CMIP: variants seen among roughly 807,000 people sequenced by gnomAD.
CMIP encodes the protein C-Maf-inducing protein.
CMIP carries 13 observed loss-of-function variants against 97.3 expected under a neutral mutation model. The observed-to-expected ratio is 0.13, with a 90% confidence interval of 0.09 to 0.21. The LOEUF (loss-of-function observed/expected upper bound fraction) is 0.21. Ranked by LOEUF, CMIP falls within the 10% of genes least tolerant of loss-of-function variation. The pLI, the probability that CMIP is intolerant of heterozygous loss-of-function variation, is 1.00. For synonymous variants in CMIP, 538 were observed against 436.3 expected, an observed-to-expected ratio of 1.23 and a Z score of -2.91; for missense variants, 847 against 1,024.9, an observed-to-expected ratio of 0.83 and a Z score of 2.37.
At chr16:81,476,005 T>C (rs1043881059) in intron 1 of CMIP, 4 of 548,812 alleles carry the variant, frequency 7.3e-6, no homozygotes, top group African/African-American at 5.9e-5. Flanking sequence ...AAAAAAAAGA[T>C]AAAACATAAG....
intron 1 of CMIP, among the ~76,000 whole-genome samples, chr16:81,584,747 T>C (rs1343277209): frequency 6.6e-6 from 1 of 152,200 alleles, no homozygotes; most frequent in Non-Finnish European, 1.5e-5. Context: ...GACTTTCTGT[T>C]CTTGAATTGG....
At position 81,701,598 on chromosome 16, in the gene CMIP, C is replaced by CA; in HGVS notation, c.1756-61dup. ...TTCAAAACAAGGCCCTTGGGGTGCACAGAGTGTGCTGAGCTAGGGTGGCAG... is the reference window on the plus strand; with the variant it reads ...TTCAAAACAAGGCCCTTGGGGTGCACAAGAGTGTGCTGAGCTAGGGTGGCAG... On this transcript the variant is annotated intron_variant, in intron 15 of 20. Transcript: ENST00000537098. The CA allele has an allele frequency of 1.9e-6, 3 of 1,610,852 alleles. No homozygotes were observed. The Admixed American group carries it at 5.0e-5, about 27-fold the overall frequency.
chr16:81,502,640 A>C (rs1306180546), intron 1 of CMIP, among the ~76,000 whole-genome samples: 2 of 152,240 alleles, frequency 1.3e-5, no homozygotes, highest in African/African-American at 4.8e-5. Context: ...TGGGAAATGA[A>C]GTCACATCCA....
chr16:81,639,396 ACT>A (rs2092276651), intron 3 of CMIP, among the ~76,000 whole-genome samples: 1 of 151,804 alleles, frequency 6.6e-6, no homozygotes, highest in African/African-American at 2.4e-5. Flanking sequence ...CCAAATGGAA[ACT>A]CTGTCCCCAT....
chr16:81,690,429 C>G (rs1905924460), intron 10 of CMIP, among the ~76,000 whole-genome samples: 1 of 152,190 alleles, frequency 6.6e-6, no homozygotes, highest in African/African-American at 2.4e-5. Context: ...AGAAGAAAAG[C>G]TGTTGTCTGA....
At chr16:81,669,524 C>A (rs1170958080) in intron 7 of CMIP, among the ~76,000 whole-genome samples, 1 of 146,820 alleles carries the variant, frequency 6.8e-6, no homozygotes, top group East Asian at 2.1e-4. Context: ...TCCACACCCA[C>A]CTCTCACACT....
At position 81,671,940 on chromosome 16, in the gene CMIP, C is replaced by T. The variant is rs990092239; in HGVS notation, c.930-26C>T. On this transcript the variant is annotated intron_variant, in intron 8 of 20. Transcript: ENST00000537098. ...ATGGGCCCCACTCCTGCAGGCTTCT[C>T]ACCCCAGCCCTCTGCTTTTTTCCAG... 7 of 1,368,582 alleles carry T rather than the reference C, an allele frequency of 5.1e-6. No individual in the cohort carries two copies. In the African/African-American group the frequency reaches 7.1e-5, roughly 14 times the overall value. The allele number at this position is 1,368,582 out of a possible 1,614,324, so 84.8% of individuals were successfully genotyped here.
At chr16:81,683,980 C>G (rs952076910) in intron 10 of CMIP, among the ~76,000 whole-genome samples, 3 of 151,814 alleles carry the variant, frequency 2.0e-5, no homozygotes, top group African/African-American at 7.3e-5. Context: ...AGGCTGGTCT[C>G]GAACTCTTGA....
intron 3 of CMIP, among the ~76,000 whole-genome samples, chr16:81,647,895 A>G (rs1190347867): frequency 6.8e-6 from 1 of 146,402 alleles, no homozygotes; most frequent in Non-Finnish European, 1.5e-5. Context: ...CCGCACCCAC[A>G]ACGCCGTAGC....
At chr16:81,543,132 G>A (rs1275676902) in intron 1 of CMIP, among the ~76,000 whole-genome samples, 1 of 152,234 alleles carries the variant, frequency 6.6e-6, no homozygotes, top group African/African-American at 2.4e-5. Flanking sequence ...CTTTTCTGCT[G>A]ATGGCTTGCT....
intron 1 of CMIP, among the ~76,000 whole-genome samples, chr16:81,487,364 T>G (rs763000309): frequency 2.0e-5 from 3 of 152,152 alleles, no homozygotes; most frequent in Non-Finnish European, 4.4e-5. Context: ...CAAACCTGGG[T>G]GGTCAGGGCC....
intron 1 of CMIP, among the ~76,000 whole-genome samples, chr16:81,598,547 C>T (rs574642896): frequency 6.6e-6 from 1 of 152,272 alleles, no homozygotes; most frequent in South Asian, 2.1e-4. Flanking sequence ...AAAGTAAGAT[C>T]AAATAAAACA....
intron 1 of CMIP, among the ~76,000 whole-genome samples, chr16:81,527,209 G>A (rs2090149369): frequency 6.6e-6 from 1 of 152,232 alleles, no homozygotes; most frequent in Admixed American, 6.5e-5. Context: ...GGAGAGTGAG[G>A]TTTGCAGACA....
chr16:81,463,995 G>A (rs1907047800), intron 1 of CMIP: 1 of 152,258 alleles, frequency 6.6e-6, no homozygotes, highest in Non-Finnish European at 1.5e-5. Flanking sequence ...AAGCTTGAGT[G>A]CAGCCAGGAT....
intron 1 of CMIP, among the ~76,000 whole-genome samples, chr16:81,526,990 G>T (rs1186906883): frequency 6.6e-6 from 1 of 152,236 alleles, no homozygotes; most frequent in African/African-American, 2.4e-5. Context: ...GAGCACACAG[G>T]GCGTGAGCTT....
chr16:81,462,495 T>C (rs1226329013), intron 1 of CMIP, among the ~76,000 whole-genome samples: 2 of 148,332 alleles, frequency 1.3e-5, no homozygotes, highest in African/African-American at 4.9e-5. Flanking sequence ...GAAATAAACA[T>C]GTAAGTGATA....
At chr16:81,449,027 C>G (rs559472486) in intron 1 of CMIP, among the ~76,000 whole-genome samples, 1 of 152,348 alleles carries the variant, frequency 6.6e-6, no homozygotes, top group South Asian at 2.1e-4. Context: ...TTGCTGCTCT[C>G]GTCTGTGGGT....
At chr16:81,661,206 G>A (rs925900509) in intron 6 of CMIP, among the ~76,000 whole-genome samples, 3 of 152,378 alleles carry the variant, frequency 2.0e-5, no homozygotes, top group African/African-American at 7.2e-5. Context: ...TTAGGAGACA[G>A]GTTGCTGCAG....
In CMIP at chr16:81,674,497, C is replaced by T. The variant is rs576537690; in HGVS notation, c.1034+2427C>T. Among the ~76,000 whole-genome samples the T allele has an allele frequency of 2.0e-5, 3 of 152,306 alleles. No homozygotes were observed. The South Asian group carries it at 6.2e-4, about 32-fold the overall frequency. On this transcript the variant is annotated intron_variant, in intron 9 of 20. Transcript: ENST00000537098. ...CACACGTTACATTTGGGAACACATC[C>T]CTTCCCAGTTCTGTAATGATATCAT...
Sources: gnomAD v4.1 joint callset for allele counts (sites outside exome capture counted in the v4.1 genomes callset) on GRCh38, gnomAD v4.1.1 for gene constraint, MANE v1.5 for transcripts, NCBI Gene and HGNC (gene_info 2026-07-23, HGNC 2026-07-21) for gene names.